The following SACM1L variants were observed in gnomAD, a reference collection of about 807,000 sequenced individuals.
The protein encoded by SACM1L is phosphatidylinositol-3-phosphatase SAC1.
SACM1L carries 32 observed loss-of-function variants against 89.5 expected under a neutral mutation model. That is an observed-to-expected ratio of 0.36 (90% CI 0.27 to 0.48). SACM1L has a LOEUF of 0.48. Among genes scored for constraint, SACM1L ranks in the 20% least tolerant of loss-of-function variants. SACM1L has a pLI of 0.99. For missense variants in SACM1L, 543 were observed against 708.5 expected (o/e 0.77, Z 2.65); for synonymous variants, 213 against 232.8 (o/e 0.92, Z 0.77).
chr3:45,713,389 T>G (rs1306087755), intron 6 of SACM1L, 193 bp downstream of exon 6: 3 of 440,356 alleles, frequency 6.8e-6, no homozygotes, highest in Admixed American at 8.3e-5. Flanking sequence ...TATTTTACTC[T>G]GATCTTCTAT....
At chr3:45,700,968 A>G (rs1698253265) in intron 1 of SACM1L, among the ~76,000 whole-genome samples, 1 of 152,206 alleles carries the variant, frequency 6.6e-6, no homozygotes, top group South Asian at 2.1e-4. Context: ...CACCGCGCCC[A>G]GCCTCTATCT....
At chr3:45,695,266 CT>C (rs11366079) in intron 1 of SACM1L, among the ~76,000 whole-genome samples, 38,787 of 147,074 alleles carry the variant, frequency 0.26, 5,611 homozygotes, top group East Asian at 0.54. Context: ...TGATTTAATT[CT>C]TTTTTTTTTT....
chr3:45,708,623 G>A (rs867688841), intron 4 of SACM1L, among the ~76,000 whole-genome samples: 1 of 151,340 alleles, frequency 6.6e-6, no homozygotes, highest in African/African-American at 2.4e-5. Flanking sequence ...TTCTCTACTA[G>A]GCATATTTTA....
At chr3:45,705,287 C>T (rs772834625) in intron 3 of SACM1L, 78 bp downstream of exon 3, 62 of 817,616 alleles carry the variant, frequency 7.6e-5, no homozygotes, top group Non-Finnish European at 1.1e-4. Flanking sequence ...AGTGAGTATA[C>T]GATGAAGTAA....
chr3:45,703,201 AT>A (rs3215238), intron 1 of SACM1L, among the ~76,000 whole-genome samples: 73,338 of 151,870 alleles, frequency 0.48, 18,250 homozygotes, highest in Middle Eastern at 0.58. Context: ...TGATTATGGC[AT>A]TTTTTTGTAT....
chr3:45,694,626 T>G (rs1698080301), intron 1 of SACM1L, among the ~76,000 whole-genome samples: 1 of 152,184 alleles, frequency 6.6e-6, no homozygotes, highest in Non-Finnish European at 1.5e-5. Flanking sequence ...ATGCTTGTTT[T>G]AAGTGCGTAT....
intron 11 of SACM1L, among the ~76,000 whole-genome samples, chr3:45,727,614 A>G (rs1456679509): frequency 6.6e-6 from 1 of 151,026 alleles, no homozygotes; most frequent in South Asian, 2.1e-4. Context: ...AATTTTTTTA[A>G]ATTTTTTATT....
At chr3:45,695,658 T>A (rs1273790470) in intron 1 of SACM1L, among the ~76,000 whole-genome samples, 1 of 152,256 alleles carries the variant, frequency 6.6e-6, no homozygotes, top group Non-Finnish European at 1.5e-5. Context: ...TCATTATTTT[T>A]AAAAATTGTG....
chr3:45,718,540 T>A (rs186023974), intron 7 of SACM1L, among the ~76,000 whole-genome samples: 7 of 152,174 alleles, frequency 4.6e-5, no homozygotes, highest in African/African-American at 1.7e-4. Context: ...TTTTTAGATG[T>A]GTAATTCAGT....
At chr3:45,738,494 C>T in intron 16 of SACM1L, 84 bp from the exon 17 acceptor site, 1 of 781,132 alleles carries the variant, frequency 1.3e-6, no homozygotes, top group Non-Finnish European at 2.2e-6. Flanking sequence ...TCACTTATTT[C>T]TATACCTTAT....
Position 45,739,579 on chromosome 3 carries a change from T to C in SACM1L, c.1570-8T>C, listed in dbSNP as rs748112423. On this transcript the variant is annotated splice_region_variant and splice_polypyrimidine_tract_variant and intron_variant, in intron 18 of 19. Transcript: ENST00000389061. ...TAAATGATGATCTCTTTCTATTGTCTTTTCCAGTTGCCTATTATCATGGTT... is the reference window on the plus strand; with the variant it reads ...TAAATGATGATCTCTTTCTATTGTCCTTTCCAGTTGCCTATTATCATGGTT... 1 of 1,613,626 alleles carries C rather than the reference T, an allele frequency of 6.2e-7. No homozygotes were observed. The highest frequency in any genetic ancestry group is 1.1e-5 in the South Asian group (1 of 91,066).
At chr3:45,715,982 TTAGTG>T (rs1369559764) in intron 7 of SACM1L, among the ~76,000 whole-genome samples, 2 of 152,134 alleles carry the variant, frequency 1.3e-5, no homozygotes, top group African/African-American at 4.8e-5. Flanking sequence ...GAGCTTTTCT[TTAGTG>T]TAGTTTGTTG....
chr3:45,698,495 T>C (rs1452416090), intron 1 of SACM1L, among the ~76,000 whole-genome samples: 2 of 152,220 alleles, frequency 1.3e-5, no homozygotes, highest in African/African-American at 4.8e-5. Context: ...CCTCAGGACT[T>C]TTGAGCGAGA....
At position 45,715,985 on chromosome 3, in the gene SACM1L, G is replaced by A. The variant is rs557530164; in HGVS notation, c.577+1906G>A. ...AAAGCTTTAAATGAGCTTTTCTTTAGTGTAGTTTGTTGACTAGAAGTAAAA... is the reference window on the plus strand; with the variant it reads ...AAAGCTTTAAATGAGCTTTTCTTTAATGTAGTTTGTTGACTAGAAGTAAAA... On this transcript the variant is annotated intron_variant, in intron 7 of 19. Transcript: ENST00000389061. 2.0e-5 allele frequency among the ~76,000 whole-genome samples: 3 copies of A among 152,032 alleles called. No individual in the cohort carries two copies. In the South Asian group the frequency reaches 6.2e-4, roughly 32 times the overall value.
chr3:45,721,197 C>T (rs1438801780), intron 8 of SACM1L, among the ~76,000 whole-genome samples: 1 of 152,128 alleles, frequency 6.6e-6, no homozygotes, highest in Non-Finnish European at 1.5e-5. Flanking sequence ...TGCTGGAGAC[C>T]ATTTGCATTA....
At chr3:45,724,467 T>C (rs1698869765) in intron 11 of SACM1L, among the ~76,000 whole-genome samples, 1 of 152,198 alleles carries the variant, frequency 6.6e-6, no homozygotes, top group African/African-American at 2.4e-5. Context: ...GAAATGTCTA[T>C]GTAAATCCTT....
At chr3:45,695,524 G>T (rs967496392) in intron 1 of SACM1L, among the ~76,000 whole-genome samples, 1 of 152,174 alleles carries the variant, frequency 6.6e-6, no homozygotes, top group Non-Finnish European at 1.5e-5. Flanking sequence ...GCCTCCCAAA[G>T]TGTTGGGATT....
chr3:45,689,976 C>G lies in SACM1L; in HGVS notation c.32+479C>G, dbSNP rs191374859. 273 of 164,020 alleles carry G rather than the reference C, an allele frequency of 1.7e-3. 1 individual carries two copies. Among genetic ancestry groups the G allele is most frequent in the African/African-American group, 6.0e-3 (250 of 41,762 alleles). 10.2% of individuals were successfully genotyped at this position (164,020 alleles called of 1,614,324 possible). On this transcript the variant is annotated intron_variant, in intron 1 of 19. Coordinates refer to ENST00000389061, the MANE Select transcript of SACM1L (RefSeq NM_014016.5). ...TCTGGGTACCGAAGCCTGCCTGCCCCCTCTTCAGTGTGCAGAAAAAATTTA... is the reference window on the plus strand; with the variant it reads ...TCTGGGTACCGAAGCCTGCCTGCCCGCTCTTCAGTGTGCAGAAAAAATTTA...
At chr3:45,701,876 A>G (rs1439140669) in intron 1 of SACM1L, among the ~76,000 whole-genome samples, 2 of 152,200 alleles carry the variant, frequency 1.3e-5, no homozygotes, top group African/African-American at 4.8e-5. Context: ...TAAGACTTTT[A>G]TACAAGAATG....
Sources: allele counts gnomAD v4.1 joint callset (sites outside exome capture counted in the v4.1 genomes callset), GRCh38; gene constraint gnomAD v4.1.1; transcripts MANE v1.5; gene names NCBI Gene and HGNC (gene_info 2026-07-23, HGNC 2026-07-21).